The following PRH1 variants were observed in gnomAD, a reference collection of about 807,000 sequenced individuals.
PRH1 encodes salivary acidic proline-rich phosphoprotein 1/2.
PRH1 carries 7 observed loss-of-function variants against 7.9 expected under a neutral mutation model. The observed-to-expected ratio is 0.89, with a 90% CI of 0.50 to 1.67. PRH1 has a LOEUF of 1.67. PRH1 is among the 40% of genes most tolerant of loss of function. The probability of loss-of-function intolerance (pLI) is 0.00; values close to 1 mark genes in which losing one functional copy is unlikely to be tolerated. For synonymous variants in PRH1, 45 were observed against 80.8 expected, an observed-to-expected ratio of 0.56 and a Z score of 2.38; for missense variants, 109 against 223.6, an observed-to-expected ratio of 0.49 and a Z score of 3.27.
At chr12:11,008,269 GAGA>G (rs1266802504) in intron 1 of PRH1, among the ~76,000 whole-genome samples, 3 of 152,102 alleles carry the variant, frequency 2.0e-5, no homozygotes, top group Admixed American at 6.6e-5. Flanking sequence ...AGTACGTAAT[GAGA>G]AGATTAATAA....
At chr12:11,165,304 T>C (rs1592132988) in intron 1 of PRH1, among the ~76,000 whole-genome samples, 1 of 143,534 alleles carries the variant, frequency 7.0e-6, no homozygotes, top group Non-Finnish European at 1.6e-5. Flanking sequence ...CCTCCATCTC[T>C]TCTCTCCTTT....
At chr12:11,090,101 C>T (rs1319543806) in intron 1 of PRH1, among the ~76,000 whole-genome samples, 2 of 115,660 alleles carry the variant, frequency 1.7e-5, no homozygotes, top group African/African-American at 5.8e-5. Context: ...TAGAATTTAG[C>T]TGTGAACAGG....
chr12:11,011,907 A>G (rs2136043682), intron 1 of PRH1, among the ~76,000 whole-genome samples: 1 of 152,282 alleles, frequency 6.6e-6, no homozygotes, highest in Non-Finnish European at 1.5e-5. Context: ...CCAAAATGGA[A>G]AATGAATTTC....
Position 11,047,066 on chromosome 12 carries a change from C to T in PRH1, c.-172G>A, listed in dbSNP as rs370297970. On this transcript the variant is annotated 5_prime_UTR_variant, in exon 1 of 4. Coordinates refer to the PRH1 transcript ENST00000539853. ...TATTCCCCTCCACATCCAAACTAGCCTTCATGATGTGTTAAGTAAATGTTC... is the reference window on the plus strand; with the variant it reads ...TATTCCCCTCCACATCCAAACTAGCTTTCATGATGTGTTAAGTAAATGTTC... 20 of 503,130 alleles carry T rather than the reference C, an allele frequency of 4.0e-5. No homozygotes were observed. The Middle Eastern group carries it at 9.6e-4, about 24-fold the overall frequency. 31.2% of individuals were successfully genotyped at this position (503,130 alleles called of 1,614,324 possible).
At chr12:10,981,431 T>C (rs1010426932) in intron 1 of PRH1, among the ~76,000 whole-genome samples, 1 of 143,506 alleles carries the variant, frequency 7.0e-6, no homozygotes, top group Non-Finnish European at 1.5e-5. Context: ...TGGAGTTCAG[T>C]GGCATGATCT....
At position 11,026,706 on chromosome 12, in the gene PRH1, T is replaced by A. The variant is rs183138157; in HGVS notation, c.-126+20314A>T. Among the ~76,000 whole-genome samples the A allele has an allele frequency of 6.6e-5, 10 of 150,706 alleles. No individual in the cohort carries two copies. In the East Asian group the frequency reaches 2.0e-3, roughly 30 times the overall value. ...TATCAAAACCAGACGGGTTATAGAA[T>A]GAATGCAGACTACCAGAAACTTAAA... is the stretch of plus-strand genomic sequence containing the variant. On this transcript the variant is annotated intron_variant, in intron 1 of 3. Coordinates refer to the PRH1 transcript ENST00000539853.
rs1009768005 is a variant in PRH1, at chr12:10,949,437, C to G, written c.-59+24218G>C. Among the ~76,000 whole-genome samples, 39 of 152,286 alleles carry G rather than the reference C, an allele frequency of 2.6e-4. No homozygotes were observed. The South Asian group carries it at 3.1e-3, about 12-fold the overall frequency. ...AGAGGTTTTCAGTTGCTCCTGGAGG[C>G]TTTGTCCAAGATTAGCATTAAGAAT... On this transcript the variant is annotated intron_variant, in intron 2 of 3. Coordinates refer to the PRH1 transcript ENST00000539853.
At chr12:11,008,674 T>C (rs192910330) in intron 1 of PRH1, among the ~76,000 whole-genome samples, 2 of 119,826 alleles carry the variant, frequency 1.7e-5, no homozygotes, top group Admixed American at 8.8e-5. Flanking sequence ...ATTATGAATC[T>C]GAAATTTAAT....
At chr12:11,158,184 C>T (rs543327855) in intron 1 of PRH1, among the ~76,000 whole-genome samples, 33 of 152,036 alleles carry the variant, frequency 2.2e-4, no homozygotes, top group Admixed American at 6.5e-4. Context: ...TAAAATAATA[C>T]ATGATCTTCA....
At chr12:11,069,980 C>A (rs1943992347) in intron 1 of PRH1, among the ~76,000 whole-genome samples, 1 of 151,980 alleles carries the variant, frequency 6.6e-6, no homozygotes, top group South Asian at 2.1e-4. Context: ...GGAAAGGACA[C>A]ACATCCATAC....
intron 1 of PRH1, among the ~76,000 whole-genome samples, chr12:11,102,949 C>G (rs543971789): frequency 2.0e-5 from 3 of 152,198 alleles, no homozygotes; most frequent in Non-Finnish European, 4.4e-5. Flanking sequence ...AAATGCTCAT[C>G]ATCGCTGGCC....
intron 1 of PRH1, among the ~76,000 whole-genome samples, chr12:10,974,596 C>T (rs1591753226): frequency 6.6e-6 from 1 of 152,178 alleles, no homozygotes; most frequent in East Asian, 1.9e-4. Flanking sequence ...CGAAATCAAA[C>T]CCCCAAGGGT....
At chr12:10,886,582 C>G (rs1375713087), upstream of PRH1, among the ~76,000 whole-genome samples, 1 of 152,158 alleles carries the variant, frequency 6.6e-6, no homozygotes, top group East Asian at 1.9e-4. Flanking sequence ...GAAAGGGAGA[C>G]GCAGGACTGC....
chr12:11,156,808 C>T (rs1947264009), intron 1 of PRH1, among the ~76,000 whole-genome samples: 1 of 150,754 alleles, frequency 6.6e-6, no homozygotes, highest in Non-Finnish European at 1.5e-5. Context: ...CAATAATTCT[C>T]TTCTTTTACC....
In PRH1 at chr12:11,073,280, T is replaced by C. The variant is rs372664672; in HGVS notation, n.124-26092A>G. Among the ~76,000 whole-genome samples the C allele has an allele frequency of 6.0e-5, 7 of 116,584 alleles. 1 individual carries two copies. The highest frequency in any genetic ancestry group is 6.0e-4 in the Admixed American group (7 of 11,740). The allele number at this position is 116,584 out of a possible 152,430, so 76.5% of individuals were successfully genotyped here. On this transcript the variant is annotated intron_variant and non_coding_transcript_variant, in intron 1 of 4. Transcript: ENST00000541977. ...CTTACTAGCTGTATTTACAGCCATG[T>C]GCTACCATGCCTGGCAATTTTTTTT... is the stretch of plus-strand genomic sequence containing the variant.
At chr12:11,063,310 G>T (rs1044384792) in intron 1 of PRH1, among the ~76,000 whole-genome samples, 1 of 152,036 alleles carries the variant, frequency 6.6e-6, no homozygotes, top group Non-Finnish European at 1.5e-5. Context: ...TTGATAAACA[G>T]AAAATTACTA....
At chr12:10,961,902 G>GCTGTCTCTCTCAC (rs1938252005) in intron 2 of PRH1, among the ~76,000 whole-genome samples, 2 of 152,318 alleles carry the variant, frequency 1.3e-5, no homozygotes, top group African/African-American at 4.8e-5. Flanking sequence ...TGACCACCAT[G>GCTGTCTCTCTCAC]CTGTCTCTCT....
Position 10,908,721 on chromosome 12 carries a change from A to C in PRH1, c.-58-24446T>G, listed in dbSNP as rs375488942. The C allele has an allele frequency of 3.1e-6, 5 of 1,613,778 alleles. No individual in the cohort carries two copies. The highest frequency in any genetic ancestry group is 4.2e-6 in the Non-Finnish European group (5 of 1,179,874). On this transcript the variant is annotated intron_variant, in intron 2 of 3. Transcript: ENST00000539853. The stretch of plus-strand genomic sequence containing the variant: ...TAACAGGAGAAAAGAGATGAAGGCC[A>C]CAGTAAATGGTGTTAGACTGAACAT...
At chr12:11,042,987 A>C (rs1220940314) in intron 1 of PRH1, among the ~76,000 whole-genome samples, 1 of 152,162 alleles carries the variant, frequency 6.6e-6, no homozygotes, top group Non-Finnish European at 1.5e-5. Flanking sequence ...AGACACATTG[A>C]AAAAGGAAAA....
Sources: gnomAD v4.1 joint callset for allele counts (sites outside exome capture counted in the v4.1 genomes callset) on GRCh38, gnomAD v4.1.1 for gene constraint, MANE v1.5 for transcripts, NCBI Gene and HGNC (gene_info 2026-07-23, HGNC 2026-07-21) for gene names.